Variants in ADAMTS8 observed in about 807,000 individuals in gnomAD.
ADAMTS8 encodes ADAM metallopeptidase with thrombospondin type 1 motif 8, also known as A disintegrin and metalloproteinase with thrombospondin motifs 8.
Under a neutral mutation model 64.4 loss-of-function variants are expected in ADAMTS8, and 50 were observed. The ratio of observed to expected loss-of-function variants is 0.78; its 90% CI spans 0.62 to 0.98. The LOEUF (loss-of-function observed/expected upper bound fraction) is 0.98, where lower values mean the gene tolerates loss of function less well. Ranked by LOEUF, ADAMTS8 falls within the 50% of genes least tolerant of loss-of-function variation. The pLI is 0.00. For synonymous variants in ADAMTS8, 556 were observed against 533.6 expected, an observed-to-expected ratio of 1.04 and a Z score of -0.58; for missense variants, 1,192 against 1,208.2, an observed-to-expected ratio of 0.99 and a Z score of 0.20.
intron 1 of ADAMTS8, among the ~76,000 whole-genome samples, chr11:130,423,745 C>T (rs1467055153): frequency 6.6e-6 from 1 of 152,226 alleles, no homozygotes; most frequent in Non-Finnish European, 1.5e-5. Context: ...GACAGGCGTC[C>T]CAGGCTGGCG....
intron 1 of ADAMTS8, among the ~76,000 whole-genome samples, chr11:130,424,336 C>T (rs78373745): frequency 1.3e-3 from 192 of 152,264 alleles, no homozygotes; most frequent in African/African-American, 4.3e-3. Context: ...CTCCCTCTGC[C>T]CCCCTCACTG....
chr11:130,408,509 T>A lies in ADAMTS8; in HGVS notation c.2054A>T (p.Lys685Ile). 1 of 1,614,052 alleles carries A rather than the reference T, an allele frequency of 6.2e-7. No homozygotes were observed. The highest frequency in any genetic ancestry group is 8.5e-7 in the Non-Finnish European group (1 of 1,180,022). ...GGAGACCTTCCTGCAGGAGTTGCCTTTGCCCCCACACACCCCGCATTTGTC... is the reference window on the plus strand; with the variant it reads ...GGAGACCTTCCTGCAGGAGTTGCCTATGCCCCCACACACCCCGCATTTGTC... ...KLDKCGVCGG[K>I]GNSCRKVSGS... is the part of the protein sequence containing the mutation. Residue 685 changes from lysine to isoleucine, a missense_variant, in exon 8 of 9, where the codon AAA becomes ATA. Lys to Ile is a moderately radical substitution (Grantham distance 102). This residue lies in a region of ADAMTS8 where 290 missense variants were observed against 297.8 expected (regional missense o/e 0.97). Transcript: ENST00000257359.
rs78255027 is a variant in ADAMTS8, at chr11:130,421,139, C to T, written c.721-1847G>A. ...AACACCAGCTGCTAAGCTTCGGGGCCGAGACAGCTCAGCACAAGGAGCTAA... is the reference window on the plus strand; with the variant it reads ...AACACCAGCTGCTAAGCTTCGGGGCTGAGACAGCTCAGCACAAGGAGCTAA... On this transcript the variant is annotated intron_variant, in intron 1 of 8. Transcript: ENST00000257359. Among the ~76,000 whole-genome samples, 13 of 152,278 alleles carry T rather than the reference C, an allele frequency of 8.5e-5. No individual in the cohort carries two copies. In the East Asian group the frequency reaches 2.1e-3, roughly 25 times the overall value.
In ADAMTS8 at chr11:130,416,851, G is replaced by T; in HGVS notation, c.1096+89C>A. The T allele has an allele frequency of 1.3e-6, 2 of 1,570,940 alleles. No individual in the cohort carries two copies. The highest frequency in any genetic ancestry group is 4.5e-5 in the East Asian group (2 of 44,134). On this transcript the variant is annotated intron_variant, in intron 3 of 8. Coordinates refer to ENST00000257359, the MANE Select transcript of ADAMTS8 (RefSeq NM_007037.6). This position sits in a 1 kb window ranked among gnomAD's most constrained non-coding sequence, Gnocchi z 4.8. ...GAGGAGCTATTCCTAAGCAAGGGCC[G>T]CATATTCCTTAGGATCTACGCAACC...
rs761177774 is a variant in ADAMTS8, at chr11:130,406,018, G to A, written c.2210C>T (p.Thr737Met). 1.1e-5 allele frequency: 18 copies of A among 1,614,104 alleles called. No individual in the cohort carries two copies. Among genetic ancestry groups the A allele is most frequent in the African/African-American group, 5.3e-5 (4 of 74,954 alleles). ...QNDGNYLALK[T>M]ADGQYLLNGN... ...GTTGAGCAGGTACTGCCCATCAGCC[G>A]TCTTCAGCGCCAGGTAGTTCCCATC... Residue 737 changes from threonine (T) to methionine (M), a missense_variant, in exon 9 of 9, where the codon ACG (threonine) becomes ATG (methionine). Physicochemically the swap from Thr to Met is moderately conservative, Grantham distance 81. Around this residue, in one of 5 missense-constraint regions of ADAMTS8, gnomAD observed 290 missense variants for 297.8 expected, o/e 0.97. Coordinates refer to ENST00000257359, the MANE Select transcript of ADAMTS8 (RefSeq NM_007037.6).
intron 1 of ADAMTS8, among the ~76,000 whole-genome samples, chr11:130,426,467 G>C (rs1050525237): frequency 2.6e-5 from 4 of 152,204 alleles, no homozygotes; most frequent in Non-Finnish European, 5.9e-5. Flanking sequence ...TGCATTGCCA[G>C]GATCCCTGTT....
chr11:130,428,520 G>T lies in ADAMTS8; in HGVS notation c.-234C>A. 1.1e-6 allele frequency: 1 copy of T among 900,788 alleles called. No individual in the cohort carries two copies. Among genetic ancestry groups the T allele is most frequent in the Non-Finnish European group, 1.3e-6 (1 of 753,246 alleles). 55.8% of individuals were successfully genotyped at this position (900,788 alleles called of 1,614,324 possible). A position where few individuals can be genotyped will look rare whatever the true frequency, so the allele number is the denominator to read the frequency against. Reference sequence around the variant, plus strand: ...GCCCCCGAGCCGAGCGCGAGCAGCTGGCCCCGGCCCGCGTGCGCCCGTCCT... The same window carrying T: ...GCCCCCGAGCCGAGCGCGAGCAGCTTGCCCCGGCCCGCGTGCGCCCGTCCT... On this transcript the variant is annotated 5_prime_UTR_variant, in exon 1 of 9. Transcript: ENST00000257359.
intron 1 of ADAMTS8, among the ~76,000 whole-genome samples, chr11:130,426,140 C>CAA (rs1413638904): frequency 6.6e-6 from 1 of 152,212 alleles, no homozygotes; most frequent in Non-Finnish European, 1.5e-5. Context: ...GCAAATACCA[C>CAA]AAGGGCTTGC....
Position 130,416,189 on chromosome 11 carries a change from A to C in ADAMTS8, c.1238T>G (p.Leu413Arg). Reference sequence around the variant, plus strand: ...GTGCCCGCCGTCCAGAAGCTCTGTGAGATACATGGCGCTGCAGGGGGACCA... The same window carrying C: ...GTGCCCGCCGTCCAGAAGCTCTGTGCGATACATGGCGCTGCAGGGGGACCA... ...LPWSPCSAMY[L>R]TELLDGGHGD... Residue 413 changes from leucine to arginine, a missense_variant, in exon 4 of 9, where the codon CTC becomes CGC. Physicochemically the swap from Leu to Arg is moderately radical, Grantham distance 102. This residue lies in a region of ADAMTS8 where 741 missense variants were observed against 710.6 expected (regional missense o/e 1.04). Transcript: ENST00000257359. The surrounding 1 kb of genome is among the most constrained non-coding windows in gnomAD (Gnocchi z 4.8). The C allele has an allele frequency of 1.3e-6, 2 of 1,595,566 alleles. No homozygotes were observed. The highest frequency in any genetic ancestry group is 1.7e-6 in the Non-Finnish European group (2 of 1,171,102).
At chr11:130,406,275 A>G (rs1232152559) in intron 8 of ADAMTS8, 147 bp from the exon 9 acceptor site, 2 of 994,604 alleles carry the variant, frequency 2.0e-6, no homozygotes, top group African/African-American at 3.3e-5. Flanking sequence ...AAAGTTCTCA[A>G]TAAATTAGCT....
rs1190834479 is a variant in ADAMTS8, at chr11:130,405,307, C to G, written c.*251G>C. 7.7e-7 allele frequency: 1 copy of G among 1,299,010 alleles called. No homozygotes were observed. The highest frequency in any genetic ancestry group is 9.7e-7 in the Non-Finnish European group (1 of 1,027,076). 80.5% of individuals were successfully genotyped at this position (1,299,010 alleles called of 1,614,324 possible). On this transcript the variant is annotated 3_prime_UTR_variant, in exon 9 of 9. Coordinates refer to ENST00000257359, the MANE Select transcript of ADAMTS8 (RefSeq NM_007037.6). ...AATAAGTGCACTTTTACCTTTTAAC[C>G]TATGCCCTCTACTTGAACCCGAGCA...
At position 130,416,199 on chromosome 11, in the gene ADAMTS8, C is replaced by T. The variant is rs990710819; in HGVS notation, c.1228G>A (p.Ala410Thr). ...TCCAGAAGCTCTGTGAGATACATGGCGCTGCAGGGGGACCAGGGCAGCGTC... is the reference window on the plus strand; with the variant it reads ...TCCAGAAGCTCTGTGAGATACATGGTGCTGCAGGGGGACCAGGGCAGCGTC... ...NQTLPWSPCS[A>T]MYLTELLDGG... Residue 410 changes from alanine (A) to threonine (T), a missense_variant, in exon 4 of 9, where the codon GCC (alanine) becomes ACC (threonine). This residue lies in a region of ADAMTS8 where 741 missense variants were observed against 710.6 expected (regional missense o/e 1.04). Transcript: ENST00000257359. The surrounding 1 kb of genome is among the most constrained non-coding windows in gnomAD (Gnocchi z 4.8). 5.6e-6 allele frequency: 9 copies of T among 1,596,992 alleles called. No individual in the cohort carries two copies. Among genetic ancestry groups the T allele is most frequent in the African/African-American group, 2.7e-5 (2 of 74,650 alleles).
Position 130,404,977 on chromosome 11 carries a change from G to A in ADAMTS8, c.*581C>T. On this transcript the variant is annotated 3_prime_UTR_variant, in exon 9 of 9. Coordinates refer to ENST00000257359, the MANE Select transcript of ADAMTS8 (RefSeq NM_007037.6). ...ACACATTTGCATAAATACTTGAAAT[G>A]GATCCACCCCTGCAGGTGGCAGCCT... The A allele has an allele frequency of 1.0e-6, 1 of 986,196 alleles. No individual in the cohort carries two copies. The highest frequency in any genetic ancestry group is 1.2e-6 in the Non-Finnish European group (1 of 830,144). 61.1% of individuals were successfully genotyped at this position (986,196 alleles called of 1,614,324 possible).
chr11:130,408,502 G>C lies in ADAMTS8; in HGVS notation c.2061C>G (p.Asn687Lys), dbSNP rs532075156. ...DKCGVCGGKG[N>K]SCRKVSGSLT... is the part of the protein sequence containing the mutation. ...GGGACCCGGAGACCTTCCTGCAGGA[G>C]TTGCCTTTGCCCCCACACACCCCGC... Residue 687 changes from asparagine (N) to lysine (K), a missense_variant, in exon 8 of 9, where the codon AAC becomes AAG. Around this residue, in one of 5 missense-constraint regions of ADAMTS8, gnomAD observed 290 missense variants for 297.8 expected, o/e 0.97. Coordinates refer to ENST00000257359, the MANE Select transcript of ADAMTS8 (RefSeq NM_007037.6). 3 of 1,614,046 alleles carry C rather than the reference G, an allele frequency of 1.9e-6. No homozygotes were observed. In the South Asian group the frequency reaches 3.3e-5, roughly 18 times the overall value.
intron 1 of ADAMTS8, among the ~76,000 whole-genome samples, chr11:130,423,180 G>A (rs755692555): frequency 2.3e-4 from 35 of 152,234 alleles, no homozygotes; most frequent in Non-Finnish European, 3.7e-4. Flanking sequence ...CAAGCAGCAA[G>A]TCCGCCTGTC....
At chr11:130,406,236 A>G in intron 8 of ADAMTS8, 108 bp from the exon 9 acceptor site, 3 of 1,361,176 alleles carry the variant, frequency 2.2e-6, no homozygotes, top group Non-Finnish European at 2.0e-6. Flanking sequence ...CACGAAAAAA[A>G]CAAAGCAAGT....
At chr11:130,414,492 C>T (rs747620447) in intron 5 of ADAMTS8, 39 bp downstream of exon 5, 113 of 1,540,236 alleles carry the variant, frequency 7.3e-5, no homozygotes, top group Non-Finnish European at 9.4e-5. Context: ...TTTTGTTTCT[C>T]CTTTCCCCTC....
intron 2 of ADAMTS8, 43 bp downstream of exon 2, chr11:130,419,010 C>T: frequency 6.2e-7 from 1 of 1,611,660 alleles, no homozygotes; most frequent in Non-Finnish European, 8.5e-7. Context: ...TCTGCCCATC[C>T]TGTCTCCCTT....
At chr11:130,422,314 G>A (rs1026606951) in intron 1 of ADAMTS8, among the ~76,000 whole-genome samples, 1 of 152,116 alleles carries the variant, frequency 6.6e-6, no homozygotes, top group Middle Eastern at 3.2e-3. Context: ...AGTTGGGTGG[G>A]CCAGAGCCCC....
Sources: gnomAD v4.1 joint callset for allele counts (sites outside exome capture counted in the v4.1 genomes callset) on GRCh38, gnomAD v4.1.1 for gene constraint, gnomAD v4.1.1 regional missense constraint, Gnocchi (gnomAD v3.1) non-coding constraint, MANE v1.5 for transcripts, NCBI Gene and HGNC (gene_info 2026-07-23, HGNC 2026-07-21) for gene names.